SOX5: variants seen among roughly 807,000 people sequenced by gnomAD.
SOX5 encodes the protein transcription factor SOX-5.
Under a neutral mutation model 92.0 loss-of-function variants are expected in SOX5, and 9 were observed. The observed-to-expected ratio is 0.10, with a 90% confidence interval of 0.06 to 0.17. The LOEUF is 0.17. Among genes scored for constraint, SOX5 ranks in the 10% least tolerant of loss-of-function variants. The pLI is 1.00. For synonymous variants in SOX5, 344 were observed against 336.3 expected (o/e 1.02, Z -0.25); for missense variants, 642 against 944.5 (o/e 0.68, Z 4.20).
intron 4 of SOX5, among the ~76,000 whole-genome samples, chr12:23,958,409 C>G (rs1024593811): frequency 2.6e-5 from 4 of 151,942 alleles, no homozygotes; most frequent in Non-Finnish European, 5.9e-5. Context: ...GAATTATGAC[C>G]TAGTCCAGTA....
chr12:24,287,313 T>C (rs1945995488), intron 2 of SOX5, among the ~76,000 whole-genome samples: 1 of 151,796 alleles, frequency 6.6e-6, no homozygotes, highest in Non-Finnish European at 1.5e-5. Context: ...AAAGCAGCAA[T>C]ATTCATTTTT....
intron 3 of SOX5, among the ~76,000 whole-genome samples, chr12:24,223,896 T>C (rs750292375): frequency 6.6e-6 from 1 of 152,248 alleles, no homozygotes; most frequent in Non-Finnish European, 1.5e-5. Flanking sequence ...ATGCTTTTTC[T>C]GTGACACTAG....
intron 1 of SOX5, among the ~76,000 whole-genome samples, chr12:24,517,889 A>G (rs1949938288): frequency 6.6e-6 from 1 of 152,210 alleles, no homozygotes; most frequent in African/African-American, 2.4e-5. Context: ...CTTTATACCA[A>G]TTCCTACTAT....
intron 1 of SOX5, among the ~76,000 whole-genome samples, chr12:24,396,715 T>C (rs1398552653): frequency 6.6e-6 from 1 of 152,186 alleles, no homozygotes; most frequent in African/African-American, 2.4e-5. Flanking sequence ...GCACCCAAAA[T>C]GGATGTGTTA....
intron 14 of SOX5, 92 bp downstream of exon 14, chr12:23,536,356 TCAAAA>T: frequency 9.3e-6 from 9 of 965,026 alleles, no homozygotes; most frequent in Admixed American, 8.4e-5. Flanking sequence ...AGATTCTTTT[TCAAAA>T]TGTCTTTTTG....
intron 3 of SOX5, among the ~76,000 whole-genome samples, chr12:23,786,142 G>T (rs1050822506): frequency 3.3e-5 from 5 of 151,838 alleles, no homozygotes; most frequent in Admixed American, 2.0e-4. Flanking sequence ...TTTTCCTAAG[G>T]ATAGTGAAGT....
intron 3 of SOX5, among the ~76,000 whole-genome samples, chr12:24,264,642 G>C (rs1419460615): frequency 6.6e-6 from 1 of 152,068 alleles, no homozygotes; most frequent in Non-Finnish European, 1.5e-5. Flanking sequence ...TTCAAATTAA[G>C]GCATTTGGTT....
chr12:23,803,924 G>A (rs567769815), intron 3 of SOX5, among the ~76,000 whole-genome samples: 32 of 152,232 alleles, frequency 2.1e-4, no homozygotes, highest in Middle Eastern at 6.8e-3. Flanking sequence ...GTGATTAACC[G>A]TAAAGTCCAC....
At chr12:23,971,530 A>AATATAT (rs139288287) in intron 4 of SOX5, among the ~76,000 whole-genome samples, 3,656 of 146,896 alleles carry the variant, frequency 0.025, 59 homozygotes, top group Middle Eastern at 0.064. Flanking sequence ...TCCACTTCAG[A>AATATAT]ATATATATAT....
intron 10 of SOX5, among the ~76,000 whole-genome samples, chr12:23,572,563 C>G (rs189801239): frequency 2.6e-5 from 4 of 151,896 alleles, no homozygotes; most frequent in Non-Finnish European, 4.4e-5. Flanking sequence ...TTTGGGAATG[C>G]TAAAGAAAAA....
Position 23,530,823 on chromosome 12 carries a change from G to GCGCGCA in SOX5, c.*3395_*3396insTGCGCG, listed in dbSNP as rs1938871119. ...AGTGTGTGTGTGTGTGTGTGTGCGC[G>GCGCGCA]CGCGCGCGCGCGCATGTGAGAGAGA... On this transcript the variant is annotated 3_prime_UTR_variant, in exon 15 of 15. Coordinates refer to ENST00000451604, the MANE Select transcript of SOX5 (RefSeq NM_006940.6). The GCGCGCA allele has an allele frequency of 7.2e-6, 1 of 139,254 alleles. No homozygotes were observed. Among genetic ancestry groups the GCGCGCA allele is most frequent in the Non-Finnish European group, 1.6e-5 (1 of 63,274 alleles). 8.6% of individuals were successfully genotyped at this position (139,254 alleles called of 1,614,324 possible).
intron 1 of SOX5, among the ~76,000 whole-genome samples, chr12:24,470,557 G>A (rs1944700737): frequency 6.6e-6 from 1 of 151,804 alleles, no homozygotes; most frequent in Admixed American, 6.6e-5. Flanking sequence ...AACTAGAAAG[G>A]GGCTGGGGGG....
intron 1 of SOX5, among the ~76,000 whole-genome samples, chr12:24,376,363 A>C (rs374803422): frequency 2.2e-4 from 34 of 152,278 alleles, no homozygotes; most frequent in African/African-American, 8.2e-4. Context: ...GTATTACGTT[A>C]ATCACATGAA....
intron 6 of SOX5, among the ~76,000 whole-genome samples, chr12:23,695,667 C>T (rs780191605): frequency 3.9e-5 from 6 of 152,070 alleles, no homozygotes; most frequent in Non-Finnish European, 7.4e-5. Context: ...ATGGGCCGGG[C>T]GCAGTGGCTC....
chr12:23,979,398 A>G (rs1437431764), intron 4 of SOX5, among the ~76,000 whole-genome samples: 1 of 151,734 alleles, frequency 6.6e-6, no homozygotes, highest in African/African-American at 2.4e-5. Flanking sequence ...TAATTTTCCT[A>G]TTTTTAGTAG....
chr12:24,018,237 T>C (rs1422764114), intron 4 of SOX5, among the ~76,000 whole-genome samples: 1 of 152,202 alleles, frequency 6.6e-6, no homozygotes, highest in Non-Finnish European at 1.5e-5. Context: ...ATTTAAAATA[T>C]GGACTAAAAT....
intron 6 of SOX5, among the ~76,000 whole-genome samples, chr12:23,676,500 A>G (rs1274441224): frequency 6.6e-6 from 1 of 152,096 alleles, no homozygotes; most frequent in Non-Finnish European, 1.5e-5. Context: ...ACACTCATTC[A>G]TTGAGCGCTC....
At position 23,791,466 on chromosome 12, in the gene SOX5, T is replaced by C. The variant is rs1289986653; in HGVS notation, c.482-35742A>G. Among the ~76,000 whole-genome samples the C allele has an allele frequency of 2.6e-5, 4 of 152,144 alleles. No homozygotes were observed. The East Asian group carries it at 5.8e-4, about 22-fold the overall frequency. Reference sequence around the variant, plus strand: ...GCATGTGCCACTGCACGGGCTTTAGTTGTTTATAGTGGAATGAGATAATTG... The same window carrying C: ...GCATGTGCCACTGCACGGGCTTTAGCTGTTTATAGTGGAATGAGATAATTG... On this transcript the variant is annotated intron_variant, in intron 3 of 14. Coordinates refer to ENST00000451604, the MANE Select transcript of SOX5 (RefSeq NM_006940.6).
intron 1 of SOX5, among the ~76,000 whole-genome samples, chr12:24,516,341 C>T (rs1949785922): frequency 6.6e-6 from 1 of 152,156 alleles, no homozygotes; most frequent in Non-Finnish European, 1.5e-5. Flanking sequence ...AGCCATTGCA[C>T]CCAGCCAACC....
Sources: allele counts gnomAD v4.1 joint callset (sites outside exome capture counted in the v4.1 genomes callset), GRCh38; gene constraint gnomAD v4.1.1; transcripts MANE v1.5; gene names NCBI Gene and HGNC (gene_info 2026-07-23, HGNC 2026-07-21).